The following TTBK2 variants were observed in gnomAD, a reference collection of about 807,000 sequenced individuals.
TTBK2 encodes the protein tau-tubulin kinase 2.
A neutral mutation model predicts 110.8 loss-of-function variants in TTBK2; 28 were observed. The observed-to-expected ratio is 0.25, with a 90% CI of 0.19 to 0.35. TTBK2 has a LOEUF of 0.35. TTBK2 is among the 10% of genes least tolerant of loss of function. The pLI, the probability that TTBK2 is intolerant of heterozygous loss-of-function variation, is 1.00. For synonymous variants in TTBK2, 532 were observed against 527.3 expected (o/e 1.01, Z -0.12); for missense variants, 1,369 against 1,500.3 (o/e 0.91, Z 1.45).
At chr15:42,792,226 G>A (rs1338090637) in intron 10 of TTBK2, among the ~76,000 whole-genome samples, 3 of 152,192 alleles carry the variant, frequency 2.0e-5, no homozygotes, top group Non-Finnish European at 4.4e-5. Context: ...ATAAATGTTT[G>A]AGGTAATGGA....
At chr15:42,858,645 T>C (rs970791264) in intron 3 of TTBK2, among the ~76,000 whole-genome samples, 7 of 152,178 alleles carry the variant, frequency 4.6e-5, no homozygotes, top group African/African-American at 1.7e-4. Context: ...TCACCAACTC[T>C]TCTTAGAGCA....
intron 13 of TTBK2, among the ~76,000 whole-genome samples, chr15:42,763,184 A>G (rs1281805520): frequency 4.3e-5 from 1 of 23,274 alleles, no homozygotes; most frequent in Admixed American, 7.5e-4. Flanking sequence ...ATATATATAT[A>G]TATATATATT....
At position 42,777,020 on chromosome 15, in the gene TTBK2, C is replaced by T; in HGVS notation, c.1409+11G>A. 6.2e-7 allele frequency: 1 copy of T among 1,613,078 alleles called. No homozygotes were observed. The highest frequency in any genetic ancestry group is 2.2e-5 in the East Asian group (1 of 44,886). ...TAGAAGCTTTAAAAAGAAAAATACA[C>T]TATTTTATACCAGGTCTCAAGGAAC... On this transcript the variant is annotated intron_variant, in intron 12 of 14. Transcript: ENST00000267890.
At chr15:42,865,970 CA>C in intron 3 of TTBK2, among the ~76,000 whole-genome samples, 1 of 152,188 alleles carries the variant, frequency 6.6e-6, no homozygotes, top group East Asian at 1.9e-4. Context: ...CAGACTAAAT[CA>C]AAAAACAAAA....
intron 5 of TTBK2, 118 bp from the exon 6 acceptor site, chr15:42,828,150 A>G: frequency 1.3e-6 from 1 of 761,110 alleles, no homozygotes; most frequent in Non-Finnish European, 2.2e-6. Flanking sequence ...CATGTTCCAA[A>G]TATACTATTC....
chr15:42,911,190 G>C (rs2030734298), intron 1 of TTBK2, among the ~76,000 whole-genome samples: 1 of 152,160 alleles, frequency 6.6e-6, no homozygotes, highest in Admixed American at 6.5e-5. Context: ...GATATGATTT[G>C]TAGAAGACAT....
chr15:42,867,945 A>T (rs1894446284), intron 3 of TTBK2, among the ~76,000 whole-genome samples: 1 of 152,240 alleles, frequency 6.6e-6, no homozygotes. Flanking sequence ...AGACAATGGA[A>T]TATTATTAAA....
At chr15:42,779,980 A>AAAAATAAAT (rs1286698407) in intron 11 of TTBK2, among the ~76,000 whole-genome samples, 2 of 151,428 alleles carry the variant, frequency 1.3e-5, no homozygotes, top group Non-Finnish European at 2.9e-5. Flanking sequence ...CTCTGTCTCA[A>AAAAATAAAT]AAAATAAATA....
intron 6 of TTBK2, among the ~76,000 whole-genome samples, chr15:42,823,242 C>A (rs1892384966): frequency 6.6e-6 from 1 of 152,118 alleles, no homozygotes; most frequent in Non-Finnish European, 1.5e-5. Context: ...AGCTGAAGGG[C>A]TGAAACTGGG....
Position 42,842,340 on chromosome 15 carries a change from T to C in TTBK2, c.218-1907A>G, listed in dbSNP as rs149542608. On this transcript the variant is annotated intron_variant, in intron 3 of 14. Coordinates refer to ENST00000267890, the MANE Select transcript of TTBK2 (RefSeq NM_173500.4). ...CACTTTATGAGGGCAGAAGTGGACA[T>C]TGACAAGTACATAGAAAGGCTGAGA... Among the ~76,000 whole-genome samples the C allele has an allele frequency of 2.8e-3, 422 of 152,216 alleles. 2 individuals carry two copies. The highest frequency in any genetic ancestry group is 9.7e-3 in the African/African-American group (402 of 41,520).
At position 42,801,744 on chromosome 15, in the gene TTBK2, G is replaced by A. The variant is rs1891217711; in HGVS notation, c.823-6943C>T. The A allele has an allele frequency of 3.6e-6, 3 of 831,662 alleles. No individual in the cohort carries two copies. In the East Asian group the frequency reaches 7.2e-5, roughly 20 times the overall value. The allele number at this position is 831,662 out of a possible 1,614,324, so 51.5% of individuals were successfully genotyped here. On this transcript the variant is annotated intron_variant, in intron 9 of 14. Transcript: ENST00000267890. ...TCTCCTCTTCATACAGCTGCCTGAG[G>A]AAGCTGATCTTGGCAGTCAGCTCTT...
chr15:42,810,611 T>C lies in TTBK2; in HGVS notation c.822+3A>G. 1 of 1,613,774 alleles carries C rather than the reference T, an allele frequency of 6.2e-7. No individual in the cohort carries two copies. Among genetic ancestry groups the C allele is most frequent in the Non-Finnish European group, 8.5e-7 (1 of 1,179,812 alleles). Reference sequence around the variant, plus strand: ...AACCCACAGAACTCACAAAGATGGTTACCTGGTAGTCTGGTTTTGTAAAAT... The same window carrying C: ...AACCCACAGAACTCACAAAGATGGTCACCTGGTAGTCTGGTTTTGTAAAAT... On this transcript the variant is annotated splice_donor_region_variant and intron_variant, in intron 9 of 14. Coordinates refer to ENST00000267890, the MANE Select transcript of TTBK2 (RefSeq NM_173500.4).
rs77399423 is a variant in TTBK2, at chr15:42,877,125, T to G, written c.69+1424A>C. On this transcript the variant is annotated intron_variant, in intron 2 of 14. Coordinates refer to ENST00000267890, the MANE Select transcript of TTBK2 (RefSeq NM_173500.4). ...CAAATAATTGATGATAAAAAACTTG[T>G]CCTTATAGATACATTTCAACTAATA... 6.0e-3 allele frequency among the ~76,000 whole-genome samples: 911 copies of G among 152,244 alleles called. 12 individuals carry two copies. Among genetic ancestry groups the G allele is most frequent in the African/African-American group, 0.02 (840 of 41,544 alleles).
Position 42,845,850 on chromosome 15 carries a change from G to GC in TTBK2, c.218-5418dup, listed in dbSNP as rs1247573359. ...TACATGCCTAGGCCTATATGGTACA[G>GC]CCTATTGCTCCTAGGCTAGAAACCT... is the stretch of plus-strand genomic sequence containing the variant. On this transcript the variant is annotated intron_variant, in intron 3 of 14. Transcript: ENST00000267890. Among the ~76,000 whole-genome samples, 5 of 152,136 alleles carry GC rather than the reference G, an allele frequency of 3.3e-5. No individual in the cohort carries two copies. In the East Asian group the frequency reaches 5.8e-4, roughly 18 times the overall value.
intron 11 of TTBK2, among the ~76,000 whole-genome samples, chr15:42,779,794 A>T (rs1890102486): frequency 6.6e-6 from 1 of 152,110 alleles, no homozygotes; most frequent in African/African-American, 2.4e-5. Context: ...TAGCCTGGCC[A>T]ATACGGTGAA....
Position 42,783,649 on chromosome 15 carries a change from G to T in TTBK2, c.981-14C>A. On this transcript the variant is annotated splice_polypyrimidine_tract_variant and intron_variant, in intron 10 of 14. Transcript: ENST00000267890. Reference sequence around the variant, plus strand: ...GCATTGGCAATTCTACATATGAAGGGAGAAAAAAAAGGCAAGAATCAAAAA... The same window carrying T: ...GCATTGGCAATTCTACATATGAAGGTAGAAAAAAAAGGCAAGAATCAAAAA... 6.2e-7 allele frequency: 1 copy of T among 1,601,114 alleles called. No individual in the cohort carries two copies. The highest frequency in any genetic ancestry group is 8.5e-7 in the Non-Finnish European group (1 of 1,171,530).
At chr15:42,823,321 T>C (rs943451153) in intron 6 of TTBK2, among the ~76,000 whole-genome samples, 1 of 152,148 alleles carries the variant, frequency 6.6e-6, no homozygotes, top group South Asian at 2.1e-4. Context: ...TAAACAGAAG[T>C]TCAACTATGA....
intron 4 of TTBK2, among the ~76,000 whole-genome samples, chr15:42,838,968 G>A (rs533384227): frequency 2.0e-5 from 3 of 152,178 alleles, no homozygotes; most frequent in Non-Finnish European, 4.4e-5. Flanking sequence ...TTTTAGGTTC[G>A]GGGGTATATG....
intron 10 of TTBK2, among the ~76,000 whole-genome samples, chr15:42,789,820 TTG>T (rs1339049741): frequency 1.6e-4 from 23 of 144,458 alleles, no homozygotes; most frequent in African/African-American, 5.7e-4. Context: ...CTATATTCCA[TTG>T]TGTGTGCATA....
Sources: gnomAD v4.1 joint callset for allele counts (sites outside exome capture counted in the v4.1 genomes callset) on GRCh38, gnomAD v4.1.1 for gene constraint, MANE v1.5 for transcripts, NCBI Gene and HGNC (gene_info 2026-07-23, HGNC 2026-07-21) for gene names.